Variants in MYO3B observed in about 807,000 individuals in gnomAD.
MYO3B encodes the protein myosin-IIIb.
Under a neutral mutation model 174.6 loss-of-function variants are expected in MYO3B, and 156 were observed. The observed-to-expected ratio is 0.89, with a 90% CI of 0.78 to 1.02. MYO3B has a LOEUF of 1.02. Ranked by LOEUF, MYO3B falls within the 50% of genes least tolerant of loss-of-function variation. The pLI is 0.00. For synonymous variants in MYO3B, 563 were observed against 569.1 expected (o/e 0.99, Z 0.15); for missense variants, 1,632 against 1,639.4 (o/e 1.00, Z 0.08).
chr2:170,587,348 A>C (rs1431186727), intron 32 of MYO3B, among the ~76,000 whole-genome samples: 2 of 152,112 alleles, frequency 1.3e-5, no homozygotes, highest in Non-Finnish European at 1.5e-5. Context: ...ATTTAATCTC[A>C]TGTTGTTTTG....
chr2:170,279,828 G>A (rs2093493756), intron 7 of MYO3B, among the ~76,000 whole-genome samples: 1 of 152,016 alleles, frequency 6.6e-6, no homozygotes, highest in African/African-American at 2.4e-5. Flanking sequence ...AGTATTCCGT[G>A]GTGTATATAT....
In MYO3B at chr2:170,469,034, G is replaced by T. The variant is rs936377217; in HGVS notation, c.3014+2323G>T. ...GCTGGGTGTGGTGGCTACTTGGGAG[G>T]CTGAGCCAGGAGAATCGCTTGAACC... On this transcript the variant is annotated intron_variant, in intron 25 of 34. Transcript: ENST00000408978. Among the ~76,000 whole-genome samples the T allele has an allele frequency of 9.9e-5, 15 of 152,216 alleles. No homozygotes were observed. In the East Asian group the frequency reaches 2.7e-3, roughly 27 times the overall value.
intron 7 of MYO3B, chr2:170,332,073 G>A (rs1229907420): frequency 6.6e-6 from 1 of 152,216 alleles, no homozygotes; most frequent in Non-Finnish European, 1.5e-5. Flanking sequence ...GGATTAGAAT[G>A]TGGACATCTT....
chr2:170,341,056 A>G (rs2093973994), intron 8 of MYO3B: 1 of 152,210 alleles, frequency 6.6e-6, no homozygotes. Flanking sequence ...CTGAATGTTA[A>G]CAAGATAAGA....
At chr2:170,320,828 T>G (rs1393104187) in intron 7 of MYO3B, among the ~76,000 whole-genome samples, 1 of 152,044 alleles carries the variant, frequency 6.6e-6, no homozygotes, top group Non-Finnish European at 1.5e-5. Flanking sequence ...AAAAAGTCCT[T>G]ACCACCTAGG....
chr2:170,595,413 G>T (rs1345974885), intron 32 of MYO3B, among the ~76,000 whole-genome samples: 2 of 145,318 alleles, frequency 1.4e-5, no homozygotes, highest in East Asian at 4.0e-4. Context: ...CCCTCTTCTT[G>T]TTTACTGTTA....
chr2:170,518,329 A>T (rs1158773180), intron 29 of MYO3B, among the ~76,000 whole-genome samples: 2 of 152,110 alleles, frequency 1.3e-5, no homozygotes, highest in African/African-American at 4.8e-5. Context: ...ACAATTCCCA[A>T]ATTTATAGAT....
At chr2:170,479,609 CTATT>C (rs1298948240) in intron 25 of MYO3B, among the ~76,000 whole-genome samples, 2 of 144,238 alleles carry the variant, frequency 1.4e-5, no homozygotes, top group African/African-American at 5.0e-5. Flanking sequence ...TATTTTATAT[CTATT>C]ATATATAAAT....
At chr2:170,377,164 G>C (rs1219984310) in intron 9 of MYO3B, among the ~76,000 whole-genome samples, 1 of 152,174 alleles carries the variant, frequency 6.6e-6, no homozygotes, top group Non-Finnish European at 1.5e-5. Context: ...AAGCTAGCAG[G>C]CCCAGTGATG....
At chr2:170,585,823 G>A (rs182826294) in intron 32 of MYO3B, among the ~76,000 whole-genome samples, 31 of 152,214 alleles carry the variant, frequency 2.0e-4, no homozygotes, top group Admixed American at 6.5e-4. Context: ...AGGCTGAGGC[G>A]GGTGGATCAC....
intron 25 of MYO3B, among the ~76,000 whole-genome samples, chr2:170,491,382 T>G (rs1326182432): frequency 6.6e-6 from 1 of 152,210 alleles, no homozygotes; most frequent in Non-Finnish European, 1.5e-5. Context: ...AATTCCACCG[T>G]GGCCATAGAA....
chr2:170,426,207 C>T (rs12328259), intron 22 of MYO3B, among the ~76,000 whole-genome samples: 32,382 of 151,488 alleles, frequency 0.21, 4,248 homozygotes, highest in Non-Finnish European at 0.29. Context: ...GGTGCTGGGG[C>T]TCATGCCTGT....
chr2:170,253,357 G>A (rs1393901415), intron 7 of MYO3B, among the ~76,000 whole-genome samples: 1 of 152,208 alleles, frequency 6.6e-6, no homozygotes, highest in Non-Finnish European at 1.5e-5. Context: ...CTGCAAAACA[G>A]GAGCTTCCAT....
At chr2:170,232,729 A>T (rs984014031) in intron 6 of MYO3B, among the ~76,000 whole-genome samples, 3 of 152,224 alleles carry the variant, frequency 2.0e-5, no homozygotes, top group Non-Finnish European at 2.9e-5. Context: ...ATTATTATGA[A>T]GATTAAGTTC....
chr2:170,362,952 T>C (rs1184752440), intron 8 of MYO3B, among the ~76,000 whole-genome samples: 2 of 152,228 alleles, frequency 1.3e-5, no homozygotes, highest in African/African-American at 2.4e-5. Flanking sequence ...CAAGGCAGAA[T>C]ACTGTGTGCT....
intron 4 of MYO3B, 33 bp downstream of exon 4, chr2:170,214,516 A>G (rs192134122): frequency 5.0e-6 from 8 of 1,593,568 alleles, no homozygotes; most frequent in African/African-American, 2.7e-5. Context: ...GTATGACAGC[A>G]GATGGGATGG....
chr2:170,203,757 G>A (rs943215793), intron 3 of MYO3B, among the ~76,000 whole-genome samples: 3 of 152,272 alleles, frequency 2.0e-5, no homozygotes, highest in Admixed American at 1.3e-4. Flanking sequence ...TTGACCAGAA[G>A]TGGTTAGAAA....
At chr2:170,256,470 G>A (rs2093305547) in intron 7 of MYO3B, among the ~76,000 whole-genome samples, 1 of 152,040 alleles carries the variant, frequency 6.6e-6, no homozygotes, top group South Asian at 2.1e-4. Context: ...GAAGAGAATG[G>A]GGGCATATTT....
chr2:170,481,589 A>T (rs1315951210), intron 25 of MYO3B, among the ~76,000 whole-genome samples: 1 of 152,180 alleles, frequency 6.6e-6, no homozygotes, highest in Non-Finnish European at 1.5e-5. Context: ...AAATTTAAAA[A>T]TTTTTAAAAA....
Sources: gnomAD v4.1 joint callset for allele counts (sites outside exome capture counted in the v4.1 genomes callset) on GRCh38, gnomAD v4.1.1 for gene constraint, MANE v1.5 for transcripts, NCBI Gene and HGNC (gene_info 2026-07-23, HGNC 2026-07-21) for gene names.